The following PACRG variants were observed in gnomAD, a reference collection of about 807,000 sequenced individuals.
The protein encoded by PACRG is parkin coregulated gene protein.
Under a neutral mutation model 29.7 loss-of-function variants are expected in PACRG, and 29 were observed. The ratio of observed to expected loss-of-function variants is 0.98; its 90% CI spans 0.73 to 1.33. PACRG has a LOEUF of 1.33. PACRG is among the 40% of genes most tolerant of loss of function. PACRG has a pLI of 0.00. For missense variants in PACRG, 279 were observed against 316.2 expected (o/e 0.88, Z 0.89); for synonymous variants, 116 against 118.7 (o/e 0.98, Z 0.15).
At chr6:163,060,304 A>T (rs1325915131) in intron 2 of PACRG, among the ~76,000 whole-genome samples, 1 of 152,176 alleles carries the variant, frequency 6.6e-6, no homozygotes, top group African/African-American at 2.4e-5. Context: ...TTAAAAATAT[A>T]GTATAGATGA....
intron 1 of PACRG, 73 bp from the exon 2 acceptor site, chr6:162,814,074 A>G (rs965356688): frequency 7.6e-6 from 11 of 1,450,898 alleles, no homozygotes; most frequent in Non-Finnish European, 1.0e-5. Context: ...CTTTAAAAAC[A>G]GAAAGTTCTT....
chr6:163,197,869 C>T (rs893400870), intron 4 of PACRG, among the ~76,000 whole-genome samples: 1 of 152,064 alleles, frequency 6.6e-6, no homozygotes, highest in Non-Finnish European at 1.5e-5. Context: ...TGGCCACATC[C>T]CAGTAGAAAG....
intron 1 of PACRG, among the ~76,000 whole-genome samples, chr6:162,742,265 C>T (rs35942036): frequency 0.084 from 12,833 of 152,188 alleles, 676 homozygotes; most frequent in Middle Eastern, 0.17. Context: ...ATACTATTCT[C>T]GTGGTAGTGA....
chr6:163,028,055 G>T (rs931834872), intron 2 of PACRG, among the ~76,000 whole-genome samples: 2 of 152,160 alleles, frequency 1.3e-5, no homozygotes, highest in Non-Finnish European at 1.5e-5. Context: ...TGGTGCTCTA[G>T]ATGCCAGCCA....
intron 2 of PACRG, among the ~76,000 whole-genome samples, chr6:162,919,994 C>T (rs1404963465): frequency 6.6e-6 from 1 of 152,110 alleles, no homozygotes; most frequent in Non-Finnish European, 1.5e-5. Context: ...TCCACTGACC[C>T]CCATGTAGTC....
At chr6:162,733,973 A>G (rs949299703) in intron 1 of PACRG, among the ~76,000 whole-genome samples, 10 of 152,156 alleles carry the variant, frequency 6.6e-5, no homozygotes, top group Non-Finnish European at 1.3e-4. Flanking sequence ...AAGCCCCAGA[A>G]GGGCAGGAAT....
At chr6:163,130,307 G>C (rs887342801) in intron 4 of PACRG, among the ~76,000 whole-genome samples, 1 of 152,124 alleles carries the variant, frequency 6.6e-6, no homozygotes, top group African/African-American at 2.4e-5. Flanking sequence ...GTGTCTGTCC[G>C]GAGAACCCTC....
At chr6:163,191,933 T>TC (rs1780236114) in intron 4 of PACRG, 1 of 367,154 alleles carries the variant, frequency 2.7e-6, no homozygotes, top group South Asian at 2.0e-5. Context: ...CAATGTCCCA[T>TC]CCCCTCCCGA....
intron 2 of PACRG, among the ~76,000 whole-genome samples, chr6:162,895,098 C>T (rs1258908409): frequency 7.1e-6 from 1 of 141,202 alleles, no homozygotes; most frequent in Non-Finnish European, 1.6e-5. Context: ...CCCGTCTCTA[C>T]CCCCCCGCCC....
intron 1 of PACRG, among the ~76,000 whole-genome samples, chr6:162,783,750 A>T (rs1031432930): frequency 6.6e-6 from 1 of 152,036 alleles, no homozygotes; most frequent in African/African-American, 2.4e-5. Flanking sequence ...TATTAACATT[A>T]TAAATTTTGA....
intron 2 of PACRG, among the ~76,000 whole-genome samples, chr6:163,000,079 T>C (rs1158251245): frequency 6.6e-6 from 1 of 152,204 alleles, no homozygotes; most frequent in Non-Finnish European, 1.5e-5. Context: ...CTCTGTAGAT[T>C]AGTCTGATCA....
intron 3 of PACRG, among the ~76,000 whole-genome samples, chr6:163,077,597 T>G (rs1196909991): frequency 5.3e-5 from 8 of 152,200 alleles, no homozygotes; most frequent in African/African-American, 1.7e-4. Context: ...TTGAAATGCA[T>G]TACCCTTTAC....
At chr6:163,061,620 C>T (rs930363024) in intron 2 of PACRG, among the ~76,000 whole-genome samples, 3 of 152,134 alleles carry the variant, frequency 2.0e-5, no homozygotes, top group Non-Finnish European at 4.4e-5. Flanking sequence ...ACCTGTCATC[C>T]AGGCTCCAGT....
chr6:163,040,053 C>T (rs1808546191), intron 2 of PACRG, among the ~76,000 whole-genome samples: 2 of 152,192 alleles, frequency 1.3e-5, no homozygotes, highest in African/African-American at 4.8e-5. Flanking sequence ...GCCTTGAGGT[C>T]TAGGAGGGAA....
intron 2 of PACRG, among the ~76,000 whole-genome samples, chr6:163,018,718 C>T (rs1003681629): frequency 3.3e-5 from 5 of 152,094 alleles, no homozygotes; most frequent in Admixed American, 1.3e-4. Flanking sequence ...TCCAGTAATA[C>T]GGCCTATCCT....
At chr6:162,757,427 G>C in intron 1 of PACRG, among the ~76,000 whole-genome samples, 1 of 152,140 alleles carries the variant, frequency 6.6e-6, no homozygotes, top group East Asian at 1.9e-4. Context: ...GACATGGGTG[G>C]ATCACCTGAA....
intron 1 of PACRG, among the ~76,000 whole-genome samples, chr6:162,740,156 G>A (rs1389734221): frequency 6.6e-5 from 10 of 152,014 alleles, no homozygotes; most frequent in Non-Finnish European, 1.2e-4. Flanking sequence ...TGTATTTAGC[G>A]AGATGAGTTC....
chr6:163,232,964 G>A lies in PACRG; in HGVS notation c.614-81863G>A, dbSNP rs191708958. Among the ~76,000 whole-genome samples, 607 of 152,296 alleles carry A rather than the reference G, an allele frequency of 4.0e-3. 4 individuals are homozygous for A. Among genetic ancestry groups the A allele is most frequent in the Non-Finnish European group, 4.0e-3 (273 of 68,026 alleles). ...GCTGAAATACTGCCCCTCACACCAGGGCCGCATCCCTCTGGGACTACAGCT... is the reference window on the plus strand; with the variant it reads ...GCTGAAATACTGCCCCTCACACCAGAGCCGCATCCCTCTGGGACTACAGCT... On this transcript the variant is annotated intron_variant, in intron 4 of 4. Coordinates refer to ENST00000366888, the MANE Select transcript of PACRG (RefSeq NM_001080379.2).
At chr6:163,219,260 C>G (rs752623680) in intron 4 of PACRG, among the ~76,000 whole-genome samples, 60 of 152,284 alleles carry the variant, frequency 3.9e-4, no homozygotes, top group Non-Finnish European at 8.1e-4. Context: ...TTATATAGAC[C>G]AAAGCCCTAA....
Sources: allele counts gnomAD v4.1 joint callset (sites outside exome capture counted in the v4.1 genomes callset), GRCh38; gene constraint gnomAD v4.1.1; transcripts MANE v1.5; gene names NCBI Gene and HGNC (gene_info 2026-07-23, HGNC 2026-07-21).